FRMD6: variants seen among roughly 807,000 people sequenced by gnomAD.
The protein encoded by FRMD6 is FERM domain containing 6.
FRMD6 carries 37 observed loss-of-function variants against 73.2 expected under a neutral mutation model. The observed-to-expected ratio is 0.51, with a 90% confidence interval of 0.39 to 0.66. The LOEUF is 0.66. Among genes scored for constraint, FRMD6 ranks in the 30% least tolerant of loss-of-function variants. The pLI, the probability that FRMD6 is intolerant of heterozygous loss-of-function variation, is 0.00. For synonymous variants in FRMD6, 273 were observed against 282.2 expected (o/e 0.97, Z 0.33); for missense variants, 714 against 780.5 (o/e 0.91, Z 1.02).
At chr14:51,409,879 A>G in the FRMD6 span, among the ~76,000 whole-genome samples, 2 of 152,134 alleles carry the variant, frequency 1.3e-5, no homozygotes, top group East Asian at 3.9e-4. Context: ...GTGAGCCACC[A>G]CGCCCGGCCC....
At chr14:51,712,328 A>G (rs942491007) in intron 8 of FRMD6, among the ~76,000 whole-genome samples, 155 bp from the exon 9 acceptor site, 8 of 152,214 alleles carry the variant, frequency 5.3e-5, no homozygotes, top group African/African-American at 1.9e-4. Flanking sequence ...TGTTATCATG[A>G]ATCTTTTAAT....
At chr14:51,637,316 A>G (rs1327529916) in intron 2 of FRMD6, 1 of 152,234 alleles carries the variant, frequency 6.6e-6, no homozygotes, top group Non-Finnish European at 1.5e-5. Context: ...GGAAAGGAAG[A>G]AACATTTTGA....
chr14:51,635,696 C>T (rs1891524538), intron 2 of FRMD6, among the ~76,000 whole-genome samples: 3 of 152,112 alleles, frequency 2.0e-5, no homozygotes, highest in Admixed American at 6.6e-5. Context: ...CTGTGTGTCT[C>T]CTATTACCTC....
At chr14:51,621,334 G>A (rs1218563808) in intron 2 of FRMD6, among the ~76,000 whole-genome samples, 3 of 152,124 alleles carry the variant, frequency 2.0e-5, no homozygotes, top group Admixed American at 1.3e-4. Flanking sequence ...TTCTCGTGGG[G>A]ATGGAGCTTT....
chr14:51,397,734 C>A, the FRMD6 span, among the ~76,000 whole-genome samples: 1 of 152,152 alleles, frequency 6.6e-6, no homozygotes, highest in Non-Finnish European at 1.5e-5. Flanking sequence ...GAAAATTCCA[C>A]ACCTCACCTC....
chr14:51,724,184 A>G (rs1466837331), intron 12 of FRMD6: 1 of 152,146 alleles, frequency 6.6e-6, no homozygotes, highest in African/African-American at 2.4e-5. Context: ...GATGACATGC[A>G]AATTTGTGAA....
At chr14:51,396,795 A>G in the FRMD6 span, among the ~76,000 whole-genome samples, 1 of 152,234 alleles carries the variant, frequency 6.6e-6, no homozygotes, top group Non-Finnish European at 1.5e-5. Context: ...CAAGCTGGAC[A>G]TGAATATATG....
intron 1 of FRMD6, among the ~76,000 whole-genome samples, chr14:51,532,393 T>G (rs1885644956): frequency 6.6e-6 from 1 of 151,588 alleles, no homozygotes; most frequent in Non-Finnish European, 1.5e-5. Flanking sequence ...AAAAAGAAAT[T>G]ATTAAATATG....
At chr14:51,700,176 T>G (rs1372513841) in intron 3 of FRMD6, among the ~76,000 whole-genome samples, 1 of 151,952 alleles carries the variant, frequency 6.6e-6, no homozygotes, top group Non-Finnish European at 1.5e-5. Flanking sequence ...TGAAGATGTC[T>G]CCTTAGTGAT....
intron 1 of FRMD6, among the ~76,000 whole-genome samples, chr14:51,657,330 T>C (rs1314485830): frequency 6.6e-6 from 1 of 152,190 alleles, no homozygotes; most frequent in Non-Finnish European, 1.5e-5. Flanking sequence ...TTTGGGCAAC[T>C]AGCATCCAAA....
At chr14:51,457,593 C>T in the FRMD6 span, among the ~76,000 whole-genome samples, 1 of 152,178 alleles carries the variant, frequency 6.6e-6, no homozygotes, top group Non-Finnish European at 1.5e-5. Context: ...AAATATTACA[C>T]CTGAGCTGTG....
chr14:51,633,613 A>G (rs1461882225), intron 2 of FRMD6, among the ~76,000 whole-genome samples: 2 of 148,882 alleles, frequency 1.3e-5, no homozygotes, highest in East Asian at 3.9e-4. Flanking sequence ...AAAAAAAAAA[A>G]AAAAAAAAGA....
Position 51,590,595 on chromosome 14 carries a change from A to G in FRMD6, c.-147+20185A>G, listed in dbSNP as rs571952927. ...GAACTCAGAAAAACCCTAGGCCCAG[A>G]TACTCTCAGAACAGTAACGACAGTA... is the stretch of plus-strand genomic sequence containing the variant. On this transcript the variant is annotated intron_variant, in intron 2 of 14. Coordinates refer to the FRMD6 transcript ENST00000356218. 5.3e-5 allele frequency among the ~76,000 whole-genome samples: 8 copies of G among 152,316 alleles called. No homozygotes were observed. In the East Asian group the frequency reaches 1.5e-3, roughly 29 times the overall value.
At chr14:51,727,452 T>G (rs1388893454) in intron 13 of FRMD6, among the ~76,000 whole-genome samples, 1 of 152,220 alleles carries the variant, frequency 6.6e-6, no homozygotes, top group Admixed American at 6.5e-5. Flanking sequence ...AGGAGAATGA[T>G]AGTGCCTGCT....
At chr14:51,648,638 C>CT (rs1892186864), upstream of FRMD6, among the ~76,000 whole-genome samples, 2 of 152,204 alleles carry the variant, frequency 1.3e-5, no homozygotes, top group South Asian at 4.1e-4. Flanking sequence ...CTCCCTAGGC[C>CT]TTCTCACTAT....
At chr14:51,713,917 T>A (rs892861956) in intron 9 of FRMD6, 3 of 152,226 alleles carry the variant, frequency 2.0e-5, no homozygotes, top group African/African-American at 7.2e-5. Context: ...GAGGGTTTTT[T>A]AGGGTCCTGG....
chr14:51,406,284 T>A, the FRMD6 span, among the ~76,000 whole-genome samples: 2 of 152,182 alleles, frequency 1.3e-5, no homozygotes, highest in Admixed American at 1.3e-4. Context: ...TTGTTCTTTT[T>A]GCTTAGGATT....
At chr14:51,672,072 CA>C (rs1894048098) in intron 1 of FRMD6, among the ~76,000 whole-genome samples, 1 of 152,120 alleles carries the variant, frequency 6.6e-6, no homozygotes, top group Admixed American at 6.5e-5. Context: ...AGAATTGTAA[CA>C]AGAGATGAAA....
At chr14:51,702,696 A>G (rs1442080564) in intron 5 of FRMD6, 108 bp downstream of exon 5, 1 of 890,964 alleles carries the variant, frequency 1.1e-6, no homozygotes, top group Non-Finnish European at 1.8e-6. Context: ...CCTTTAGGAT[A>G]TAAACTCTGT....
Sources: allele counts gnomAD v4.1 joint callset (sites outside exome capture counted in the v4.1 genomes callset), GRCh38; gene constraint gnomAD v4.1.1; transcripts MANE v1.5; gene names NCBI Gene and HGNC (gene_info 2026-07-23, HGNC 2026-07-21).